Variants in SHANK1 observed in about 807,000 individuals in gnomAD.
SHANK1 encodes SH3 and multiple ankyrin repeat domains 1.
A neutral mutation model predicts 165.6 loss-of-function variants in SHANK1; 35 were observed. The ratio of observed to expected loss-of-function variants is 0.21; its 90% CI spans 0.16 to 0.28. The LOEUF is 0.28. Ranked by LOEUF, SHANK1 falls within the 10% of genes least tolerant of loss-of-function variation. The pLI is 1.00. For missense variants in SHANK1, 2,681 were observed against 3,036.4 expected, an observed-to-expected ratio of 0.88 and a Z score of 2.75; for synonymous variants, 1,428 against 1,384.8, an observed-to-expected ratio of 1.03 and a Z score of -0.69.
chr19:50,709,349 G>T (rs1267821537), intron 8 of SHANK1, among the ~76,000 whole-genome samples: 2 of 152,054 alleles, frequency 1.3e-5, no homozygotes, highest in African/African-American at 4.8e-5. Flanking sequence ...CAGCGTGTTA[G>T]CCAGGATGGT....
At chr19:50,689,799 C>T (rs1298064679) in intron 15 of SHANK1, among the ~76,000 whole-genome samples, 4 of 152,072 alleles carry the variant, frequency 2.6e-5, no homozygotes, top group Non-Finnish European at 4.4e-5. Context: ...ATGATCTGCT[C>T]GATGTCCTTA....
chr19:50,669,105 C>G lies in SHANK1; in HGVS notation c.2855G>C (p.Gly952Ala). ...SGRLTPSPRG[G>A]PFNPGSGGPL... The stretch of plus-strand genomic sequence containing the variant: ...GCCACCAGAGCCAGGGTTGAAGGGC[C>G]CTCCCCGAGGGGAGGGGGTGAGGCG... Residue 952 changes from glycine (G) to alanine (A), a missense_variant, in exon 23 of 24, where the codon GGG becomes GCG. Physicochemically the swap from Gly to Ala is moderately conservative, Grantham distance 60. Transcript: ENST00000293441. 1 of 1,474,860 alleles carries G rather than the reference C, an allele frequency of 6.8e-7. No homozygotes were observed. 91.4% of individuals were successfully genotyped at this position (1,474,860 alleles called of 1,614,324 possible).
Position 50,661,279 on chromosome 19 carries a change from AGAG to A in SHANK1, c.*683_*685del, listed in dbSNP as rs977478598. ...GAAAAGTGTGTAAGCAGCAAGAAGC[AGAG>A]AAGGAGGCATGGAGCGTGAGAAAGG... On this transcript the variant is annotated 3_prime_UTR_variant, in exon 24 of 24. Transcript: ENST00000293441. 7.2e-5 allele frequency among the ~76,000 whole-genome samples: 11 copies of A among 152,164 alleles called. No homozygotes were observed. The highest frequency in any genetic ancestry group is 1.5e-4 in the Non-Finnish European group (10 of 68,016).
At position 50,712,046 on chromosome 19, in the gene SHANK1, C is replaced by T. The variant is rs201562791; in HGVS notation, c.861G>A (p.Thr287=). The T allele has an allele frequency of 2.4e-5, 39 of 1,613,742 alleles. No individual in the cohort carries two copies. The highest frequency in any genetic ancestry group is 1.8e-4 in the East Asian group (8 of 44,900). ...DRRGLTPLFH[T]AMVGGDPRCC... ...ATCGGGGGTCACCACCCACCATGGC[C>T]GTGTGGAACAGAGGGGTCAGCCCCC... Residue 287 remains threonine (T), a synonymous_variant, in exon 7 of 24, where the codon ACG becomes ACA. Transcript: ENST00000293441.
At chr19:50,703,038 C>T (rs1279404835) in intron 11 of SHANK1, among the ~76,000 whole-genome samples, 2 of 152,186 alleles carry the variant, frequency 1.3e-5, no homozygotes, top group African/African-American at 4.8e-5. Flanking sequence ...TCCCCCACTT[C>T]CTCGGGACAC....
intron 21 of SHANK1, among the ~76,000 whole-genome samples, chr19:50,684,663 C>T (rs764937906): frequency 1.3e-5 from 2 of 152,170 alleles, no homozygotes; most frequent in Non-Finnish European, 2.9e-5. Context: ...AAAAACTCAA[C>T]CTTTCCTCAA....
chr19:50,686,710 C>G lies in SHANK1; in HGVS notation c.2458+34G>C, dbSNP rs546557385. 6.9e-6 allele frequency: 11 copies of G among 1,602,408 alleles called. No individual in the cohort carries two copies. In the East Asian group the frequency reaches 1.8e-4, roughly 26 times the overall value. ...TGCAGCGGGTGCCGGGGCTGGGGCC[C>G]GGCATCCCGAGGAGCAGGGCTGGGC... On this transcript the variant is annotated intron_variant, in intron 20 of 23. Coordinates refer to ENST00000293441, the MANE Select transcript of SHANK1 (RefSeq NM_016148.5). The surrounding 1 kb of genome is among the most constrained non-coding windows in gnomAD (Gnocchi z 5.7).
In SHANK1 at chr19:50,662,252, C is replaced by T; in HGVS notation, c.6199G>A (p.Gly2067Arg). The change falls in exon 24 of 24, where the codon GGA becomes AGA. Residue 2067 changes from glycine (G) to arginine (R), a missense_variant. This residue lies in a region of SHANK1 where 1,713 missense variants were observed against 1,630.2 expected (regional missense o/e 1.05). Coordinates refer to ENST00000293441, the MANE Select transcript of SHANK1 (RefSeq NM_016148.5). The surrounding 1 kb of genome is among the most constrained non-coding windows in gnomAD (Gnocchi z 7.7). The part of the protein sequence containing the change: ...PHPGISGGLG[G>R]ALSGASRSLS... Reference sequence around the variant, plus strand: ...GAGCGCGAGGCCCCTGACAAGGCTCCCCCGAGCCCCCCGGATATCCCCGGG... The same window carrying T: ...GAGCGCGAGGCCCCTGACAAGGCTCTCCCGAGCCCCCCGGATATCCCCGGG... The T allele has an allele frequency of 1.2e-6, 2 of 1,610,780 alleles. No individual in the cohort carries two copies. The highest frequency in any genetic ancestry group is 8.5e-7 in the Non-Finnish European group (1 of 1,177,836).
chr19:50,677,326 C>T (rs747971908), intron 21 of SHANK1, among the ~76,000 whole-genome samples: 1 of 152,096 alleles, frequency 6.6e-6, no homozygotes, highest in Non-Finnish European at 1.5e-5. Context: ...CAGGGGTTCA[C>T]CATGTTGCCC....
At chr19:50,666,024 GAAA>G (rs111296421) in intron 23 of SHANK1, among the ~76,000 whole-genome samples, 165 bp downstream of exon 23, 1 of 124,480 alleles carries the variant, frequency 8.0e-6, no homozygotes, top group East Asian at 2.2e-4. Context: ...GAAAAGAAAA[GAAA>G]AAAAAAAAAA....
chr19:50,686,281 C>G lies in SHANK1; in HGVS notation c.2533G>C (p.Ala845Pro), dbSNP rs1470908923. Residue 845 changes from alanine to proline, a missense_variant, in exon 21 of 24, where the codon GCG (alanine) becomes CCG (proline). Physicochemically the swap from Ala to Pro is conservative, Grantham distance 27. Transcript: ENST00000293441. The surrounding 1 kb of genome is among the most constrained non-coding windows in gnomAD (Gnocchi z 5.7). ...ASESPGPGGL[A>P]SLGKHRPKGF... ...TTGGGTCGGTGTTTGCCCAGGGACGCGAGGCCACCGGGACCAGGGCTTTCG... is the reference window on the plus strand; with the variant it reads ...TTGGGTCGGTGTTTGCCCAGGGACGGGAGGCCACCGGGACCAGGGCTTTCG... 1.2e-6 allele frequency: 2 copies of G among 1,607,040 alleles called. No individual in the cohort carries two copies. The highest frequency in any genetic ancestry group is 1.1e-5 in the South Asian group (1 of 89,940).
chr19:50,672,144 G>T, intron 21 of SHANK1, 30 bp from the exon 22 acceptor site: 2 of 1,556,474 alleles, frequency 1.3e-6, no homozygotes, highest in South Asian at 2.2e-5. Flanking sequence ...GGGGGAGAGA[G>T]AGAAAAGATA....
rs181010299 is a variant in SHANK1 at position 50,670,517 on chromosome 19, C to A, written c.2675-1232G>T. On this transcript the variant is annotated intron_variant, in intron 22 of 23. Transcript: ENST00000293441. This position sits in a 1 kb window ranked among gnomAD's most constrained non-coding sequence, Gnocchi z 4.1. The stretch of plus-strand genomic sequence containing the variant: ...AAAACCGAAGTCAGCTCATGTCCCT[C>A]CTCTGCTTAGAGCCCTGCCATTCAC... 5.0e-4 allele frequency among the ~76,000 whole-genome samples: 76 copies of A among 152,282 alleles called. 1 individual carries two copies. Among genetic ancestry groups the A allele is most frequent in the Admixed American group, 3.1e-3 (48 of 15,306 alleles).
chr19:50,680,679 A>T (rs1459402883), intron 21 of SHANK1, among the ~76,000 whole-genome samples: 2 of 143,616 alleles, frequency 1.4e-5, no homozygotes, highest in African/African-American at 5.6e-5. Context: ...TCCCCGAGAC[A>T]GAATCGCACC....
At position 50,688,950 on chromosome 19, in the gene SHANK1, T is replaced by G. The variant is rs1568436339; in HGVS notation, c.2066A>C (p.Glu689Ala). The G allele has an allele frequency of 1.9e-6, 3 of 1,545,130 alleles. No individual in the cohort carries two copies. The highest frequency in any genetic ancestry group is 2.6e-6 in the Non-Finnish European group (3 of 1,142,206). The change falls in exon 17 of 24, where the codon GAG becomes GCG. Residue 689 changes from glutamate to alanine, a missense_variant. Around this residue, in one of 10 missense-constraint regions of SHANK1, gnomAD observed 147 missense variants for 256.5 expected, o/e 0.57. Transcript: ENST00000293441. This position sits in a 1 kb window ranked among gnomAD's most constrained non-coding sequence, Gnocchi z 6.7. ...CGGGAAGGCCGGGGTGGGGGTGAACTCCTCGATGGGGGTCTGCGCTGCAGA... is the reference window on the plus strand; with the variant it reads ...CGGGAAGGCCGGGGTGGGGGTGAACGCCTCGATGGGGGTCTGCGCTGCAGA... ...RGAKAQTPIE[E>A]FTPTPAFPAL...
intron 8 of SHANK1, among the ~76,000 whole-genome samples, chr19:50,707,913 TTTCTTTTCTTTTCTTTTC>T (rs2088962903): frequency 3.2e-5 from 2 of 62,954 alleles, no homozygotes; most frequent in Non-Finnish European, 6.9e-5. Context: ...TTTCTTTTCT[TTTCTTTTCTTTTCTTTTC>T]TTTTCTTTTC....
chr19:50,692,282 A>C (rs896640612), intron 15 of SHANK1, among the ~76,000 whole-genome samples: 1 of 151,938 alleles, frequency 6.6e-6, no homozygotes, highest in African/African-American at 2.4e-5. Flanking sequence ...GATTCCAAGC[A>C]CTTTGCATTT....
intron 22 of SHANK1, 99 bp from the exon 23 acceptor site, chr19:50,669,384 G>C (rs1985708487): frequency 2.5e-6 from 2 of 794,944 alleles, no homozygotes; most frequent in South Asian, 1.7e-5. Context: ...GACAAGAATG[G>C]CACCCCGTAT....
Position 50,666,523 on chromosome 19 carries a change from C to T in SHANK1, c.5437G>A (p.Gly1813Arg), listed in dbSNP as rs1985521906. 6.3e-7 allele frequency: 1 copy of T among 1,587,014 alleles called. No individual in the cohort carries two copies. Among genetic ancestry groups the T allele is most frequent in the Non-Finnish European group, 8.5e-7 (1 of 1,169,760 alleles). The stretch of plus-strand genomic sequence containing the variant: ...TCTGGCTCTACAGCCACCGGACCCC[C>T]CGCCACGCCTGCCGTGGGGGGTCCT... ...CSGPPTAGVA[G>R]GPVAVEPEVP... is the part of the protein sequence containing the mutation. The change falls in exon 23 of 24, where the codon GGG (glycine) becomes AGG (arginine). Residue 1813 changes from glycine (G) to arginine (R), a missense_variant. Gly to Arg is a moderately radical substitution (Grantham distance 125, BLOSUM62 -2). Coordinates refer to ENST00000293441, the MANE Select transcript of SHANK1 (RefSeq NM_016148.5).
Sources: gnomAD v4.1 joint callset for allele counts (sites outside exome capture counted in the v4.1 genomes callset) on GRCh38, gnomAD v4.1.1 for gene constraint, gnomAD v4.1.1 regional missense constraint, Gnocchi (gnomAD v3.1) non-coding constraint, MANE v1.5 for transcripts, NCBI Gene and HGNC (gene_info 2026-07-23, HGNC 2026-07-21) for gene names.